TMEM163: variants seen among roughly 807,000 people sequenced by gnomAD.
TMEM163 encodes the protein transmembrane protein 163.
Under a neutral mutation model 29.3 loss-of-function variants are expected in TMEM163, and 17 were observed. That is an observed-to-expected ratio of 0.58 (90% CI 0.40 to 0.87). TMEM163 has a LOEUF of 0.87. TMEM163 is among the 40% of genes least tolerant of loss of function. TMEM163 has a pLI of 0.00. For synonymous variants in TMEM163, 157 were observed against 160.6 expected (o/e 0.98, Z 0.17); for missense variants, 303 against 381.5 (o/e 0.79, Z 1.71).
At chr2:134,467,912 T>C (rs1686705449) in intron 5 of TMEM163, 1 of 152,198 alleles carries the variant, frequency 6.6e-6, no homozygotes, top group African/African-American at 2.4e-5. Context: ...TTATTTAAAG[T>C]AATCACCTCA....
At chr2:134,597,899 C>T (rs1018401290) in intron 2 of TMEM163, among the ~76,000 whole-genome samples, 13 of 152,258 alleles carry the variant, frequency 8.5e-5, no homozygotes, top group African/African-American at 2.6e-4. Flanking sequence ...AGTTTATTTG[C>T]GTTGAGGTAT....
intron 4 of TMEM163, among the ~76,000 whole-genome samples, chr2:134,516,739 A>ATGCATATATATATGAATAGATATATATG (rs1680074971): frequency 1.4e-5 from 2 of 146,928 alleles, no homozygotes; most frequent in African/African-American, 4.9e-5. Flanking sequence ...ATGCATATAT[A>ATGCATATATATATGAATAGATATATATG]TGCATATATA....
chr2:134,559,549 G>A (rs1253691998), intron 2 of TMEM163, among the ~76,000 whole-genome samples: 2 of 151,936 alleles, frequency 1.3e-5, no homozygotes, highest in Non-Finnish European at 1.5e-5. Context: ...GCCACCCTCC[G>A]GGGCTCTGCC....
intron 5 of TMEM163, among the ~76,000 whole-genome samples, chr2:134,499,371 C>A (rs562118231): frequency 6.6e-6 from 1 of 152,340 alleles, no homozygotes; most frequent in East Asian, 1.9e-4. Flanking sequence ...CACATCCCGG[C>A]TTCCAGAACT....
chr2:134,718,979 C>T lies in TMEM163; in HGVS notation c.-44G>A. The T allele has an allele frequency of 2.0e-6, 2 of 987,916 alleles. No individual in the cohort carries two copies. Among genetic ancestry groups the T allele is most frequent in the Non-Finnish European group, 2.4e-6 (2 of 837,190 alleles). 61.2% of individuals were successfully genotyped at this position (987,916 alleles called of 1,614,324 possible). Reference sequence around the variant, plus strand: ...CCGGCGGCGGCGACGACAAGCGCGGCGGGGACTCGAGTCAGAAGTGCGAGG... The same window carrying T: ...CCGGCGGCGGCGACGACAAGCGCGGTGGGGACTCGAGTCAGAAGTGCGAGG... On this transcript the variant is annotated 5_prime_UTR_variant, in exon 1 of 8. Coordinates refer to ENST00000281924, the MANE Select transcript of TMEM163 (RefSeq NM_030923.5).
intron 2 of TMEM163, among the ~76,000 whole-genome samples, chr2:134,661,786 C>T (rs1027884433): frequency 6.6e-6 from 1 of 152,100 alleles, no homozygotes; most frequent in Non-Finnish European, 1.5e-5. Context: ...AGATTAGGAA[C>T]CCAAAGGCCC....
At chr2:134,492,811 T>A (rs961559228) in intron 5 of TMEM163, among the ~76,000 whole-genome samples, 2 of 152,216 alleles carry the variant, frequency 1.3e-5, no homozygotes, top group Non-Finnish European at 2.9e-5. Context: ...AATAAACATT[T>A]GTGTAAGAGT....
intron 2 of TMEM163, among the ~76,000 whole-genome samples, chr2:134,561,234 C>T (rs546112793): frequency 6.6e-5 from 10 of 152,344 alleles, no homozygotes; most frequent in East Asian, 3.9e-4. Context: ...GACGGAGTCT[C>T]GCTCTGTCGC....
chr2:134,707,916 T>G (rs1684853393), intron 2 of TMEM163, among the ~76,000 whole-genome samples: 1 of 139,640 alleles, frequency 7.2e-6, no homozygotes, highest in Non-Finnish European at 1.5e-5. Context: ...TTTTTTTTTT[T>G]GAGACATAGT....
intron 5 of TMEM163, among the ~76,000 whole-genome samples, chr2:134,473,919 T>C (rs943216491): frequency 6.6e-6 from 1 of 152,096 alleles, no homozygotes; most frequent in Non-Finnish European, 1.5e-5. Context: ...TACTGGCAAA[T>C]CTGCCAAACA....
intron 4 of TMEM163, among the ~76,000 whole-genome samples, chr2:134,534,358 A>C (rs1680482959): frequency 6.6e-6 from 1 of 152,052 alleles, no homozygotes; most frequent in African/African-American, 2.4e-5. Flanking sequence ...CCAAACCACC[A>C]CCCCACCATT....
chr2:134,568,701 GAAAA>G (rs1228372793), intron 2 of TMEM163, among the ~76,000 whole-genome samples: 2 of 151,196 alleles, frequency 1.3e-5, no homozygotes, highest in South Asian at 2.1e-4. Context: ...AGGAAAGAAA[GAAAA>G]AGAAAGAAAC....
intron 4 of TMEM163, among the ~76,000 whole-genome samples, chr2:134,509,950 A>G (rs868203902): frequency 3.3e-5 from 5 of 152,228 alleles, no homozygotes; most frequent in African/African-American, 1.2e-4. Context: ...TAAAGCATAA[A>G]GACACAGCAC....
intron 2 of TMEM163, among the ~76,000 whole-genome samples, chr2:134,579,125 A>AG (rs1681632610): frequency 6.6e-6 from 1 of 152,152 alleles, no homozygotes; most frequent in African/African-American, 2.4e-5. Context: ...TTTTTACAGC[A>AG]GGCTGTCATG....
intron 5 of TMEM163, among the ~76,000 whole-genome samples, chr2:134,488,434 T>C (rs1679358839): frequency 6.6e-6 from 1 of 152,156 alleles, no homozygotes; most frequent in African/African-American, 2.4e-5. Context: ...GCTGGGTGCT[T>C]CCTGCCCTCA....
chr2:134,505,206 A>G (rs1204927639), intron 4 of TMEM163, among the ~76,000 whole-genome samples: 1 of 148,606 alleles, frequency 6.7e-6, no homozygotes, highest in African/African-American at 2.5e-5. Context: ...ACTTCCCAGC[A>G]CTGAGAGCAC....
In TMEM163 at chr2:134,552,956, G is replaced by A. The variant is rs184334961; in HGVS notation, c.323-865C>T. 3.6e-4 allele frequency among the ~76,000 whole-genome samples: 54 copies of A among 152,098 alleles called. No individual in the cohort carries two copies. In the East Asian group the frequency reaches 9.5e-3, roughly 27 times the overall value. On this transcript the variant is annotated intron_variant, in intron 2 of 7. Coordinates refer to ENST00000281924, the MANE Select transcript of TMEM163 (RefSeq NM_030923.5). ...ATTACAGGTGTGAGCCACCACACCCGGCCTTGATCCATATTTTTAAATTGG... is the reference window on the plus strand; with the variant it reads ...ATTACAGGTGTGAGCCACCACACCCAGCCTTGATCCATATTTTTAAATTGG...
chr2:134,523,095 T>C (rs1299850596), intron 4 of TMEM163, among the ~76,000 whole-genome samples: 1 of 152,148 alleles, frequency 6.6e-6, no homozygotes, highest in African/African-American at 2.4e-5. Context: ...AGAATTACGG[T>C]CTTACAGATA....
At chr2:134,595,957 G>A (rs551891519) in intron 2 of TMEM163, among the ~76,000 whole-genome samples, 2 of 152,204 alleles carry the variant, frequency 1.3e-5, no homozygotes, top group African/African-American at 4.8e-5. Flanking sequence ...ACTTGTTGAT[G>A]GGGTTGTTTT....
Sources: gnomAD v4.1 joint callset for allele counts (sites outside exome capture counted in the v4.1 genomes callset) on GRCh38, gnomAD v4.1.1 for gene constraint, MANE v1.5 for transcripts, NCBI Gene and HGNC (gene_info 2026-07-23, HGNC 2026-07-21) for gene names.